The following GLI2 variants were observed in gnomAD, a reference collection of about 807,000 sequenced individuals.
GLI2 encodes GLI family zinc finger 2.
A neutral mutation model predicts 78.9 loss-of-function variants in GLI2; 22 were observed. The ratio of observed to expected loss-of-function variants is 0.28; its 90% CI spans 0.20 to 0.40. The LOEUF is 0.40. Among genes scored for constraint, GLI2 ranks in the 10% least tolerant of loss-of-function variants. The pLI is 1.00. For missense variants in GLI2, 2,097 were observed against 2,213.2 expected (o/e 0.95, Z 1.05); for synonymous variants, 974 against 963.7 (o/e 1.01, Z -0.20).
chr2:120,812,261 G>A (rs1291607071), intron 2 of GLI2, among the ~76,000 whole-genome samples: 1 of 152,190 alleles, frequency 6.6e-6, no homozygotes, highest in Non-Finnish European at 1.5e-5. Context: ...GCAGGACAGG[G>A]CCACACACAC....
intron 1 of GLI2, among the ~76,000 whole-genome samples, chr2:120,785,579 A>G (rs1251687944): frequency 6.6e-6 from 1 of 152,104 alleles, no homozygotes; most frequent in African/African-American, 2.4e-5. Flanking sequence ...CGAGAAGCAG[A>G]GCTACCACCC....
intron 1 of GLI2, among the ~76,000 whole-genome samples, chr2:120,744,783 C>T (rs1457986878): frequency 6.6e-6 from 1 of 152,128 alleles, no homozygotes; most frequent in African/African-American, 2.4e-5. Flanking sequence ...TCATGGGCCT[C>T]CTGGATGAGA....
At chr2:120,760,913 C>T (rs1252465980) in intron 1 of GLI2, among the ~76,000 whole-genome samples, 6 of 152,196 alleles carry the variant, frequency 3.9e-5, no homozygotes, top group Admixed American at 1.3e-4. Context: ...CGCCCTCTTG[C>T]GCAATCCTGC....
At chr2:120,907,902 G>A (rs1471069761) in intron 2 of GLI2, among the ~76,000 whole-genome samples, 2 of 152,206 alleles carry the variant, frequency 1.3e-5, no homozygotes, top group African/African-American at 4.8e-5. Flanking sequence ...CCGGACTGCT[G>A]GGCATGGGAA....
intron 2 of GLI2, among the ~76,000 whole-genome samples, chr2:120,887,942 A>C (rs1010591716): frequency 1.3e-5 from 2 of 152,240 alleles, no homozygotes; most frequent in Non-Finnish European, 2.9e-5. Flanking sequence ...ACTCCAAGCC[A>C]GGGAGAGGGG....
chr2:120,977,747 T>A (rs1195200152), intron 9 of GLI2, among the ~76,000 whole-genome samples: 4 of 152,166 alleles, frequency 2.6e-5, no homozygotes, highest in Non-Finnish European at 2.9e-5. Flanking sequence ...TCTCCCAGGA[T>A]AAGCTTCACA....
intron 1 of GLI2, among the ~76,000 whole-genome samples, chr2:120,739,061 T>G (rs1682451116): frequency 6.6e-6 from 1 of 152,144 alleles, no homozygotes; most frequent in African/African-American, 2.4e-5. Flanking sequence ...AGTGGCTCAT[T>G]GCCTGGCTGC....
chr2:120,985,847 C>T (rs1682946985), intron 12 of GLI2, among the ~76,000 whole-genome samples: 1 of 152,250 alleles, frequency 6.6e-6, no homozygotes, highest in Non-Finnish European at 1.5e-5. Context: ...CATCCTTTCC[C>T]TTTCCCACAA....
chr2:120,981,646 A>T (rs1261986971), intron 10 of GLI2, among the ~76,000 whole-genome samples: 1 of 152,170 alleles, frequency 6.6e-6, no homozygotes, highest in African/African-American at 2.4e-5. Flanking sequence ...AAAGGGGAGG[A>T]TGGGAGGAAT....
chr2:120,751,206 C>T (rs1045355578), intron 1 of GLI2, among the ~76,000 whole-genome samples: 9 of 152,212 alleles, frequency 5.9e-5, no homozygotes, highest in Non-Finnish European at 1.0e-4. Flanking sequence ...CCATCTTTAC[C>T]CCAACTTAGG....
chr2:120,760,715 C>T (rs1275118609), intron 1 of GLI2, among the ~76,000 whole-genome samples: 1 of 152,188 alleles, frequency 6.6e-6, no homozygotes, highest in Admixed American at 6.5e-5. Flanking sequence ...GCTCAGGCCT[C>T]GTCTCTGTCT....
intron 1 of GLI2, among the ~76,000 whole-genome samples, chr2:120,755,520 C>G (rs1490801520): frequency 6.6e-6 from 1 of 151,982 alleles, no homozygotes; most frequent in Non-Finnish European, 1.5e-5. Flanking sequence ...TTGCAGATAT[C>G]CCAGCCTGTG....
chr2:120,808,529 G>A (rs990312232), intron 2 of GLI2, among the ~76,000 whole-genome samples: 4 of 152,144 alleles, frequency 2.6e-5, no homozygotes, highest in East Asian at 3.9e-4. Context: ...ACTTGCCAAC[G>A]ACACACTTTG....
rs546914893 is a variant in GLI2 at position 120,917,004 on chromosome 2, C to T, written c.149-10357C>T. Reference sequence around the variant, plus strand: ...CTGGGGATTGGGCCTGGGATCTCCACAGGAATAGGAGAGAGCAGAGTCTTG... The same window carrying T: ...CTGGGGATTGGGCCTGGGATCTCCATAGGAATAGGAGAGAGCAGAGTCTTG... On this transcript the variant is annotated intron_variant, in intron 2 of 13. Transcript: ENST00000361492. 1.2e-3 allele frequency among the ~76,000 whole-genome samples: 180 copies of T among 152,250 alleles called. 1 individual carries two copies. Among genetic ancestry groups the T allele is most frequent in the African/African-American group, 3.5e-3 (147 of 41,546 alleles).
chr2:120,929,676 CCT>C (rs1360570007), intron 3 of GLI2, among the ~76,000 whole-genome samples: 3 of 152,202 alleles, frequency 2.0e-5, no homozygotes, highest in African/African-American at 7.2e-5. Flanking sequence ...TTCCAGTTGT[CCT>C]CTGTGTCCCG....
chr2:120,828,789 A>ATAATTT lies in GLI2; in HGVS notation c.148+31322_148+31327dup, dbSNP rs1686208080. Reference sequence around the variant, plus strand: ...GGAATAATTTATTTGGTCAGACACTATAATTTGCCACGTCATTCCATTTCT... The same window carrying ATAATTT: ...GGAATAATTTATTTGGTCAGACACTATAATTTTAATTTGCCACGTCATTCCATTTCT... On this transcript the variant is annotated intron_variant, in intron 2 of 13. Transcript: ENST00000361492. Among the ~76,000 whole-genome samples the ATAATTT allele has an allele frequency of 2.0e-5, 3 of 147,800 alleles. No individual in the cohort carries two copies. The South Asian group carries it at 6.4e-4, about 31-fold the overall frequency.
intron 10 of GLI2, among the ~76,000 whole-genome samples, chr2:120,980,299 T>C: frequency 6.6e-6 from 1 of 152,234 alleles, no homozygotes; most frequent in East Asian, 1.9e-4. Context: ...CACTGGTTGT[T>C]ACCTGTCTTT....
chr2:120,910,236 G>A (rs1182835910), intron 2 of GLI2, among the ~76,000 whole-genome samples: 1 of 152,100 alleles, frequency 6.6e-6, no homozygotes, highest in African/African-American at 2.4e-5. Context: ...CCGGTGGTCA[G>A]CAGGCCTGAG....
At chr2:120,844,498 A>G (rs1286745404) in intron 2 of GLI2, among the ~76,000 whole-genome samples, 2 of 152,202 alleles carry the variant, frequency 1.3e-5, no homozygotes, top group African/African-American at 4.8e-5. Flanking sequence ...CTGGGAAATC[A>G]GAAGACCAAC....
Sources: gnomAD v4.1 joint callset for allele counts (sites outside exome capture counted in the v4.1 genomes callset) on GRCh38, gnomAD v4.1.1 for gene constraint, MANE v1.5 for transcripts, NCBI Gene and HGNC (gene_info 2026-07-23, HGNC 2026-07-21) for gene names.